The following TFPI variants were observed in gnomAD, a reference collection of about 807,000 sequenced individuals.
TFPI encodes the protein tissue factor pathway inhibitor, also known as anti-convertin.
A neutral mutation model predicts 34.6 loss-of-function variants in TFPI; 15 were observed. The ratio of observed to expected loss-of-function variants is 0.43; its 90% CI spans 0.29 to 0.67. The LOEUF (loss-of-function observed/expected upper bound fraction) is 0.67, where lower values mean the gene tolerates loss of function less well. TFPI is among the 30% of genes least tolerant of loss of function. The pLI, the probability that TFPI is intolerant of heterozygous loss-of-function variation, is 0.15. For synonymous variants in TFPI, 105 were observed against 120.1 expected (o/e 0.87, Z 0.82); for missense variants, 301 against 364.0 (o/e 0.83, Z 1.41).
At chr2:187,523,334 A>C (rs1346027758) in intron 1 of TFPI, among the ~76,000 whole-genome samples, 1 of 152,144 alleles carries the variant, frequency 6.6e-6, no homozygotes, top group Non-Finnish European at 1.5e-5. Context: ...TAAAATATAC[A>C]TGTATAGCAA....
At chr2:187,521,954 T>C (rs1047076089) in intron 1 of TFPI, among the ~76,000 whole-genome samples, 2 of 152,116 alleles carry the variant, frequency 1.3e-5, no homozygotes, top group Non-Finnish European at 2.9e-5. Context: ...TAAACTGATA[T>C]CTCATTATTA....
intron 1 of TFPI, among the ~76,000 whole-genome samples, chr2:187,550,397 A>G (rs1214161212): frequency 1.3e-5 from 2 of 152,160 alleles, no homozygotes; most frequent in East Asian, 3.8e-4. Context: ...AGAATAAACA[A>G]TTCTCTGGTC....
chr2:187,489,779 C>T (rs1452788706), intron 3 of TFPI, among the ~76,000 whole-genome samples: 1 of 151,396 alleles, frequency 6.6e-6, no homozygotes, highest in African/African-American at 2.4e-5. Flanking sequence ...GTTTAGCACA[C>T]TAGAATTTTA....
chr2:187,514,796 T>A (rs1195984002), intron 1 of TFPI: 1 of 152,230 alleles, frequency 6.6e-6, no homozygotes. Context: ...AACTCTCACA[T>A]CTATTTAGAT....
At chr2:187,548,408 G>T (rs1688972504) in intron 1 of TFPI, among the ~76,000 whole-genome samples, 1 of 151,928 alleles carries the variant, frequency 6.6e-6, no homozygotes, top group African/African-American at 2.4e-5. Flanking sequence ...ATTAAAGTAG[G>T]TCTCAAATAT....
chr2:187,528,673 G>A (rs1435520876), intron 1 of TFPI, among the ~76,000 whole-genome samples: 1 of 151,762 alleles, frequency 6.6e-6, no homozygotes, highest in African/African-American at 2.4e-5. Context: ...TATTATTATT[G>A]CTTTTCTCAT....
intron 6 of TFPI, among the ~76,000 whole-genome samples, chr2:187,480,197 C>G (rs568658849): frequency 6.6e-5 from 10 of 152,052 alleles, no homozygotes; most frequent in Middle Eastern, 3.4e-3. Context: ...TAACCAGAGA[C>G]TTTATGAGTG....
intron 1 of TFPI, among the ~76,000 whole-genome samples, chr2:187,553,679 TAGAG>T (rs972411184): frequency 3.3e-5 from 5 of 152,166 alleles, no homozygotes; most frequent in African/African-American, 7.2e-5. Flanking sequence ...AATATTTCCT[TAGAG>T]AGATTAGTTA....
intron 7 of TFPI, 54 bp downstream of exon 7, chr2:187,467,694 TTTCAA>T: frequency 7.2e-7 from 1 of 1,383,102 alleles, no homozygotes; most frequent in Non-Finnish European, 9.6e-7. Flanking sequence ...TAGATTATCA[TTTCAA>T]TTCAATTGCT....
In TFPI at chr2:187,477,862, G is replaced by A. The variant is rs1692487250; in HGVS notation, c.628+6262C>T. Among the ~76,000 whole-genome samples, 3 of 152,074 alleles carry A rather than the reference G, an allele frequency of 2.0e-5. No individual in the cohort carries two copies. The South Asian group carries it at 6.2e-4, about 31-fold the overall frequency. On this transcript the variant is annotated intron_variant, in intron 6 of 7. Transcript: ENST00000233156. The stretch of plus-strand genomic sequence containing the variant: ...CATACATTGAATACATTCAGGAGAG[G>A]GATAGAGTTTCAAGTAGCAAAAGGA...
chr2:187,522,726 A>C (rs751356197), intron 1 of TFPI, among the ~76,000 whole-genome samples: 327 of 95,858 alleles, frequency 3.4e-3, no homozygotes, highest in Non-Finnish European at 4.7e-3. Flanking sequence ...TACTAAAAAT[A>C]CAAAAAAAAA....
intron 1 of TFPI, among the ~76,000 whole-genome samples, chr2:187,551,020 A>G (rs1689077125): frequency 6.6e-6 from 1 of 152,140 alleles, no homozygotes; most frequent in South Asian, 2.1e-4. Flanking sequence ...AGGGTGTGGT[A>G]TATTTCGAGG....
intron 1 of TFPI, chr2:187,515,985 A>C (rs1363322598): frequency 6.6e-6 from 1 of 152,306 alleles, no homozygotes; most frequent in South Asian, 2.1e-4. Flanking sequence ...GAAAAAAATC[A>C]TGCAGTACTA....
intron 6 of TFPI, chr2:187,478,743 A>G: frequency 1.9e-6 from 3 of 1,613,844 alleles, no homozygotes; most frequent in Non-Finnish European, 1.7e-6. Context: ...GAAGGCGTTC[A>G]GAAAGACTTG....
intron 1 of TFPI, among the ~76,000 whole-genome samples, chr2:187,542,130 T>A (rs968627480): frequency 2.6e-5 from 4 of 152,064 alleles, no homozygotes; most frequent in Admixed American, 2.0e-4. Flanking sequence ...AGAGAAAAAT[T>A]TTATGAAGGT....
In TFPI at chr2:187,486,469, A is replaced by G. The variant is rs144655401; in HGVS notation, c.359-1482T>C. On this transcript the variant is annotated intron_variant, in intron 4 of 7. Coordinates refer to ENST00000233156, the MANE Select transcript of TFPI (RefSeq NM_006287.6). ...AGAAATTATACATGTACATAAATAT[A>G]TACACCTAATATGTACCCACAAAAA... Among the ~76,000 whole-genome samples, 26 of 151,742 alleles carry G rather than the reference A, an allele frequency of 1.7e-4. 1 individual carries two copies. In the East Asian group the frequency reaches 4.8e-3, roughly 28 times the overall value.
intron 1 of TFPI, among the ~76,000 whole-genome samples, chr2:187,520,307 G>T (rs549273713): frequency 1.2e-4 from 18 of 152,250 alleles, no homozygotes; most frequent in African/African-American, 4.1e-4. Flanking sequence ...GGGTCTGTGG[G>T]TTGTGAAGAC....
intron 1 of TFPI, among the ~76,000 whole-genome samples, chr2:187,546,396 C>G (rs538138056): frequency 1.3e-4 from 19 of 147,006 alleles, no homozygotes; most frequent in African/African-American, 3.8e-4. Context: ...AAGCAAAGCT[C>G]TTTATGGTAT....
intron 6 of TFPI, among the ~76,000 whole-genome samples, chr2:187,480,164 A>G (rs1262152014): frequency 6.6e-6 from 1 of 152,000 alleles, no homozygotes; most frequent in Non-Finnish European, 1.5e-5. Context: ...GAGACTGTAT[A>G]TTTACTGATG....
Sources: allele counts gnomAD v4.1 joint callset (sites outside exome capture counted in the v4.1 genomes callset), GRCh38; gene constraint gnomAD v4.1.1; transcripts MANE v1.5; gene names NCBI Gene and HGNC (gene_info 2026-07-23, HGNC 2026-07-21).